Variants in GPHN observed in about 807,000 individuals in gnomAD.
GPHN encodes the protein gephyrin.
Under a neutral mutation model 95.5 loss-of-function variants are expected in GPHN, and 17 were observed. The ratio of observed to expected loss-of-function variants is 0.18; its 90% CI spans 0.12 to 0.27. The LOEUF (loss-of-function observed/expected upper bound fraction) is 0.27, where lower values mean the gene tolerates loss of function less well. GPHN is among the 10% of genes least tolerant of loss of function. The pLI is 1.00. For missense variants in GPHN, 660 were observed against 978.1 expected, an observed-to-expected ratio of 0.67 and a Z score of 4.34; for synonymous variants, 320 against 322.5, an observed-to-expected ratio of 0.99 and a Z score of 0.08.
At chr14:66,776,322 A>C in intron 2 of GPHN, 142 bp from the exon 3 acceptor site, 1 of 695,974 alleles carries the variant, frequency 1.4e-6, no homozygotes, top group Non-Finnish European at 2.7e-6. Context: ...AAATATATGC[A>C]CAAAATGGTT....
At chr14:66,756,238 C>T (rs1030458440) in intron 2 of GPHN, among the ~76,000 whole-genome samples, 2 of 152,052 alleles carry the variant, frequency 1.3e-5, no homozygotes, top group African/African-American at 4.8e-5. Flanking sequence ...TGCATGTGTA[C>T]ATGTCAATAT....
intron 9 of GPHN, among the ~76,000 whole-genome samples, chr14:67,017,765 C>T (rs1404715727): frequency 6.6e-6 from 1 of 152,016 alleles, no homozygotes; most frequent in Non-Finnish European, 1.5e-5. Context: ...TGAGATCATT[C>T]TGTAGGATAC....
At chr14:67,450,883 G>T in the GPHN span, among the ~76,000 whole-genome samples, 2 of 152,224 alleles carry the variant, frequency 1.3e-5, no homozygotes, top group Admixed American at 6.5e-5. Flanking sequence ...TGTCTCCAGG[G>T]CATGTCAGAG....
At chr14:67,565,393 A>G in the GPHN span, among the ~76,000 whole-genome samples, 2 of 152,076 alleles carry the variant, frequency 1.3e-5, no homozygotes, top group Admixed American at 1.3e-4. Context: ...ACAGGTGCAC[A>G]CCACCACACC....
chr14:67,267,299 C>T, the GPHN span, among the ~76,000 whole-genome samples: 1 of 152,120 alleles, frequency 6.6e-6, no homozygotes, highest in East Asian at 1.9e-4. Context: ...ACTCTTGTCG[C>T]CCAGGCTGGA....
chr14:67,397,096 G>T, the GPHN span, among the ~76,000 whole-genome samples: 1 of 144,530 alleles, frequency 6.9e-6, no homozygotes, highest in Non-Finnish European at 1.5e-5. Flanking sequence ...CTGCGACCAC[G>T]CTCAGCTAGT....
At chr14:66,739,963 CAAAT>C (rs2072651373) in intron 2 of GPHN, among the ~76,000 whole-genome samples, 2 of 151,938 alleles carry the variant, frequency 1.3e-5, no homozygotes, top group Non-Finnish European at 2.9e-5. Context: ...GAATTGGAAA[CAAAT>C]AATCTAAATT....
At chr14:67,110,393 G>T (rs1181389545) in intron 14 of GPHN, 134 bp downstream of exon 14, 5 of 858,686 alleles carry the variant, frequency 5.8e-6, no homozygotes, top group Admixed American at 1.8e-5. Flanking sequence ...CTTATGGTGG[G>T]ATCTTATATT....
the GPHN span, among the ~76,000 whole-genome samples, chr14:67,344,680 A>C: frequency 2.0e-5 from 3 of 151,912 alleles, no homozygotes; most frequent in Admixed American, 6.6e-5. Context: ...GGAGTTTGAG[A>C]CCAGCCTGGG....
chr14:67,128,136 T>C (rs140027597), intron 17 of GPHN, among the ~76,000 whole-genome samples: 1 of 152,352 alleles, frequency 6.6e-6, no homozygotes, highest in African/African-American at 2.4e-5. Context: ...TCATTCTGTA[T>C]GCTAATGACT....
In GPHN at chr14:67,070,711, A is replaced by T. The variant is rs1302027918; in HGVS notation, c.1144+11925A>T. Among the ~76,000 whole-genome samples the T allele has an allele frequency of 3.2e-3, 288 of 89,844 alleles. 2 individuals carry two copies. Among genetic ancestry groups the T allele is most frequent in the East Asian group, 5.7e-3 (10 of 1,766 alleles). 58.9% of individuals were successfully genotyped at this position (89,844 alleles called of 152,430 possible). ...CTTCATCTCAAAAAAAAAAAAAAAA[A>T]AAAAATATATATATATATCCAATCA... On this transcript the variant is annotated intron_variant, in intron 11 of 22. Transcript: ENST00000478722.
chr14:66,763,885 T>C (rs906214289), intron 2 of GPHN, among the ~76,000 whole-genome samples: 2 of 152,178 alleles, frequency 1.3e-5, no homozygotes, highest in East Asian at 3.9e-4. Context: ...TAGATTCTCA[T>C]AGAAGCACAA....
chr14:66,783,537 A>C (rs1010222569), intron 3 of GPHN, among the ~76,000 whole-genome samples: 2 of 152,108 alleles, frequency 1.3e-5, no homozygotes, highest in Non-Finnish European at 2.9e-5. Flanking sequence ...AGTTACCACT[A>C]TTTCACCTTT....
chr14:66,749,685 A>G (rs2058295787), intron 2 of GPHN, among the ~76,000 whole-genome samples: 1 of 151,852 alleles, frequency 6.6e-6, no homozygotes, highest in Non-Finnish European at 1.5e-5. Flanking sequence ...ATTTTTCAAT[A>G]GAGTTGTTCA....
the GPHN span, among the ~76,000 whole-genome samples, chr14:67,702,990 G>T: frequency 6.7e-6 from 1 of 149,046 alleles, no homozygotes; most frequent in Admixed American, 6.7e-5. Context: ...ACTTAAAAAA[G>T]TTTTTTTTTT....
intron 1 of GPHN, among the ~76,000 whole-genome samples, chr14:66,553,975 G>A (rs894983888): frequency 2.6e-5 from 4 of 152,016 alleles, no homozygotes; most frequent in Non-Finnish European, 2.9e-5. Context: ...GATTTTTAAC[G>A]TGATAGTTTC....
intron 11 of GPHN, among the ~76,000 whole-genome samples, chr14:67,084,820 C>A (rs1463454489): frequency 6.6e-6 from 1 of 152,154 alleles, no homozygotes; most frequent in Non-Finnish European, 1.5e-5. Context: ...AGAAAAAAGG[C>A]CTTCCTGTCC....
chr14:67,044,846 G>GTCTGTC (rs1439403005), intron 10 of GPHN, among the ~76,000 whole-genome samples: 1 of 150,880 alleles, frequency 6.6e-6, no homozygotes, highest in African/African-American at 2.4e-5. Context: ...GTGTGTCTCT[G>GTCTGTC]TCTGTCTCTG....
rs535666521 is a variant in GPHN at position 66,942,304 on chromosome 14, G to A, written c.828+18012G>A. Among the ~76,000 whole-genome samples, 28 of 152,298 alleles carry A rather than the reference G, an allele frequency of 1.8e-4. 2 individuals carry two copies. The South Asian group carries it at 5.6e-3, about 30-fold the overall frequency. On this transcript the variant is annotated intron_variant, in intron 8 of 22. Transcript: ENST00000478722. ...TGGGATTACAGGCGTGAGCCACCAC[G>A]CCTGGCCCCATTTAGTTAACTTTTG...
Sources: gnomAD v4.1 joint callset for allele counts (sites outside exome capture counted in the v4.1 genomes callset) on GRCh38, gnomAD v4.1.1 for gene constraint, MANE v1.5 for transcripts, NCBI Gene and HGNC (gene_info 2026-07-23, HGNC 2026-07-21) for gene names.